TTN: variants seen among roughly 807,000 people sequenced by gnomAD.
TTN encodes the protein connectin.
In TTN, 1,525 loss-of-function variants were observed where a neutral mutation model predicts 3,223.0. The ratio of observed to expected loss-of-function variants is 0.47; its 90% confidence interval spans 0.45 to 0.49. TTN has a LOEUF of 0.49. TTN is among the 20% of genes least tolerant of loss of function. The probability of loss-of-function intolerance (pLI) is 0.00; values close to 1 mark genes in which losing one functional copy is unlikely to be tolerated. For synonymous variants in TTN, 14,094 were observed against 15,161.0 expected (o/e 0.93, Z 5.17); for missense variants, 40,786 against 43,424.0 (o/e 0.94, Z 5.40).
chr2:178,593,545 C>T, intron 298 of TTN, 23 bp downstream of exon 298: 1 of 1,603,540 alleles, frequency 6.2e-7, no homozygotes, highest in Non-Finnish European at 8.5e-7. Context: ...CATTGAATCA[C>T]TAAAAAGAAA....
In TTN at chr2:178,575,746, A is replaced by G. The variant is rs772244888; in HGVS notation, c.70386T>C (p.Asp23462=). The G allele has an allele frequency of 6.2e-7, 1 of 1,613,462 alleles. No homozygotes were observed. The change falls in exon 326 of 363, where the codon GAT becomes GAC. Residue 23462 remains aspartate, a synonymous_variant. Transcript: ENST00000589042. This position sits in a 1 kb window ranked among gnomAD's most constrained non-coding sequence, Gnocchi z 4.0. ...VTLHWDLPLI[D]GGSRITNYIV... ...TGTAGTTTGTTATACGTGAGCCTCCATCTATCAGAGGGAGGTCCCAGTGCA... is the reference window on the plus strand; with the variant it reads ...TGTAGTTTGTTATACGTGAGCCTCCGTCTATCAGAGGGAGGTCCCAGTGCA...
Position 178,598,756 on chromosome 2 carries a change from T to TC in TTN, c.56953dup (p.Asp18985GlyfsTer18). The TC allele has an allele frequency of 6.2e-7, 1 of 1,612,306 alleles. No homozygotes were observed. The highest frequency in any genetic ancestry group is 8.5e-7 in the Non-Finnish European group (1 of 1,179,236). On this transcript the variant is annotated frameshift_variant, in exon 291 of 363. Coordinates refer to ENST00000589042, the MANE Select transcript of TTN (RefSeq NM_001267550.2). LOFTEE classifies it high-confidence loss of function. ...ATGGTTTCCAGGCTTACCAATTGGATCTCTAGCAGTCGCTGGGTCTGATGG... is the reference window on the plus strand; with the variant it reads ...ATGGTTTCCAGGCTTACCAATTGGATCCTCTAGCAGTCGCTGGGTCTGATGG...
chr2:178,527,167 C>G lies in TTN; in HGVS notation c.107821G>C (p.Glu35941Gln), dbSNP rs777087450. Residue 35941 changes from glutamate to glutamine, a missense_variant, in exon 363 of 363, where the codon GAA (glutamate) becomes CAA (glutamine). Physicochemically the swap from Glu to Gln is conservative, Grantham distance 29. Transcript: ENST00000589042. ...SCGGRKIHSQ[E>Q]QGRFHIENTD... ...TTTTCAATGTGGAACCTCCCCTGTT[C>G]TTGACTGTGGATTTTTCTTCCACCA... 4 of 1,613,982 alleles carry G rather than the reference C, an allele frequency of 2.5e-6. No homozygotes were observed. The highest frequency in any genetic ancestry group is 1.7e-5 in the Admixed American group (1 of 60,026).
At chr2:178,678,558 A>G (rs2068621367) in intron 143 of TTN, 61 bp from the exon 144 acceptor site, 2 of 1,358,840 alleles carry the variant, frequency 1.5e-6, no homozygotes, top group East Asian at 2.6e-5. Context: ...TTCCAAGCAT[A>G]GTTTCAAAAG....
Position 178,592,458 on chromosome 2 carries a change from A to C in TTN, c.59547T>G (p.His19849Gln). Reference protein sequence around the residue: ...GSKLEIRNAAHEDGGIYSLTV... With the variant: ...GSKLEIRNAAQEDGGIYSLTV... ...TTAAAGAATAAATTCCACCATCTTC[A>C]TGGGCAGCATTACGAATTTCAAGCT... The change falls in exon 301 of 363, where the codon CAT (histidine) becomes CAG (glutamine). Residue 19849 changes from histidine (H) to glutamine (Q), a missense_variant. Transcript: ENST00000589042. The C allele has an allele frequency of 6.2e-7, 1 of 1,613,500 alleles. No individual in the cohort carries two copies. Among genetic ancestry groups the C allele is most frequent in the East Asian group, 2.2e-5 (1 of 44,798 alleles).
chr2:178,544,396 C>T lies in TTN; in HGVS notation c.95833G>A (p.Val31945Ile). The change falls in exon 345 of 363, where the codon GTT becomes ATT. Residue 31945 changes from valine (V) to isoleucine (I), a missense_variant. Physicochemically the swap from Val to Ile is conservative, Grantham distance 29 (BLOSUM62 3). Coordinates refer to ENST00000589042, the MANE Select transcript of TTN (RefSeq NM_001267550.2). Reference protein sequence around the residue: ...YDGGTDIVGYVLEMQEKDTDQ... With the variant: ...YDGGTDIVGYILEMQEKDTDQ... ...GTGTCCTTCTCTTGCATTTCCAGAA[C>T]ATATCCTACAATGTCAGTACCACCA... 6.2e-7 allele frequency: 1 copy of T among 1,613,764 alleles called. No individual in the cohort carries two copies. The highest frequency in any genetic ancestry group is 1.1e-5 in the South Asian group (1 of 91,084).
Position 178,533,441 on chromosome 2 carries a change from G to T in TTN, c.103174C>A (p.Pro34392Thr). Reference protein sequence around the residue: ...FEIRVSGIPPPTLKWEKDGQP... With the variant: ...FEIRVSGIPPTTLKWEKDGQP... Reference sequence around the variant, plus strand: ...CCATCTTTCTCCCATTTTAATGTTGGTGGGGGGATGCCAGACACTCTGATC... The same window carrying T: ...CCATCTTTCTCCCATTTTAATGTTGTTGGGGGGATGCCAGACACTCTGATC... The change falls in exon 358 of 363, where the codon CCA becomes ACA. Residue 34392 changes from proline to threonine, a missense_variant. Pro to Thr is a conservative substitution (Grantham distance 38). Coordinates refer to ENST00000589042, the MANE Select transcript of TTN (RefSeq NM_001267550.2). 6.2e-7 allele frequency: 1 copy of T among 1,613,862 alleles called. No individual in the cohort carries two copies. The highest frequency in any genetic ancestry group is 8.5e-7 in the Non-Finnish European group (1 of 1,179,830).
chr2:178,618,518 T>C (rs538495046), intron 251 of TTN, 27 bp from the exon 252 acceptor site: 2 of 1,609,586 alleles, frequency 1.2e-6, no homozygotes, highest in African/African-American at 2.7e-5. Context: ...GAGGAATTTT[T>C]TTAGTGTGCT....
chr2:178,724,325 G>A lies in TTN; in HGVS notation c.21050C>T (p.Thr7017Ile), dbSNP rs893338987. 6.8e-6 allele frequency: 11 copies of A among 1,613,470 alleles called. No homozygotes were observed. Among genetic ancestry groups the A allele is most frequent in the South Asian group, 2.2e-5 (2 of 91,074 alleles). The change falls in exon 72 of 363, where the codon ACA becomes ATA. Residue 7017 changes from threonine (T) to isoleucine (I), a missense_variant. Transcript: ENST00000589042. ...ATTATTTTGAACCTGGAAAGTGTAT[G>A]TGCCTGCATCTTGCCTTTCAACTGA... is the stretch of plus-strand genomic sequence containing the variant. ...ILSVERQDAG[T>I]YTFQVQNNVG...
intron 21 of TTN, 63 bp downstream of exon 21, chr2:178,781,058 A>G (rs1055347727): frequency 6.2e-7 from 1 of 1,609,734 alleles, no homozygotes; most frequent in African/African-American, 1.3e-5. Context: ...GCAAACGGAC[A>G]GCACTGCTAT....
chr2:178,733,827 G>T lies in TTN; in HGVS notation c.15562C>A (p.Gln5188Lys), dbSNP rs886038908. ...GGCTCTGACCCTCTCACAGCAGCTT[G>T]CAGGGTAACGGTTTGTCCTCCTAGT... The part of the protein sequence containing the change: ...IALGGQTVTL[Q>K]AAVRGSEPIS... Residue 5188 changes from glutamine (Q) to lysine (K), a missense_variant, in exon 53 of 363, where the codon CAA (glutamine) becomes AAA (lysine). Physicochemically the swap from Gln to Lys is moderately conservative, Grantham distance 53. Coordinates refer to ENST00000589042, the MANE Select transcript of TTN (RefSeq NM_001267550.2). 5.6e-6 allele frequency: 9 copies of T among 1,613,546 alleles called. No individual in the cohort carries two copies. Among genetic ancestry groups the T allele is most frequent in the East Asian group, 2.2e-5 (1 of 44,866 alleles).
In TTN at chr2:178,618,179, A is replaced by C. The variant is rs1060503966; in HGVS notation, c.47269+10T>G. ...TAAAAGCTAACTTGAATTTACTTAA[A>C]ACTTCTTACCATATTTACTCCTTGC... is the stretch of plus-strand genomic sequence containing the variant. On this transcript the variant is annotated intron_variant, in intron 252 of 362. Coordinates refer to ENST00000589042, the MANE Select transcript of TTN (RefSeq NM_001267550.2). 3 of 1,610,918 alleles carry C rather than the reference A, an allele frequency of 1.9e-6. No individual in the cohort carries two copies. The highest frequency in any genetic ancestry group is 2.5e-6 in the Non-Finnish European group (3 of 1,178,750).
rs528957532 is a variant in TTN at position 178,528,726 on chromosome 2, G to A, written c.107025C>T (p.Leu35675=). ...KQASHRDEGI[L]TCISKTKEGI... is the part of the protein sequence containing the mutation. The stretch of plus-strand genomic sequence containing the variant: ...CTTCCTTGGTTTTGCTTATGCAGGT[G>A]AGGATTCCTTCATCTCTGTGACTGG... The change falls in exon 360 of 363, where the codon CTC becomes CTT. Residue 35675 remains leucine, a synonymous_variant. Coordinates refer to ENST00000589042, the MANE Select transcript of TTN (RefSeq NM_001267550.2). 1 of 1,613,626 alleles carries A rather than the reference G, an allele frequency of 6.2e-7. No individual in the cohort carries two copies. The highest frequency in any genetic ancestry group is 1.7e-5 in the Admixed American group (1 of 59,992).
In TTN at chr2:178,647,227, C is replaced by T. The variant is rs1247283203; in HGVS notation, c.40142-83G>A. On this transcript the variant is annotated intron_variant, in intron 214 of 362. Coordinates refer to ENST00000589042, the MANE Select transcript of TTN (RefSeq NM_001267550.2). ...CTATTCTAACATATCAACCTAGTTA[C>T]ATTAAGTAACACTCTATAACAGATT... is the stretch of plus-strand genomic sequence containing the variant. The T allele has an allele frequency of 5.3e-6, 6 of 1,136,086 alleles. No homozygotes were observed. The South Asian group carries it at 9.0e-5, about 17-fold the overall frequency. The allele number at this position is 1,136,086 out of a possible 1,614,324, so 70.4% of individuals were successfully genotyped here.
At position 178,706,438 on chromosome 2, in the gene TTN, T is replaced by C. The variant is rs749533421; in HGVS notation, c.29420+16A>G. The C allele has an allele frequency of 6.3e-7, 1 of 1,596,312 alleles. No individual in the cohort carries two copies. The highest frequency in any genetic ancestry group is 8.5e-7 in the Non-Finnish European group (1 of 1,169,670). On this transcript the variant is annotated intron_variant, in intron 102 of 362. Transcript: ENST00000589042. ...GGAGGGCTGATTGTACGATTTGTGG[T>C]TTTTATTGAACTCACTTTTTCAGCA... is the stretch of plus-strand genomic sequence containing the variant.
At chr2:178,720,885 G>A (rs779290183) in intron 79 of TTN, 36 bp downstream of exon 79, 4 of 1,534,746 alleles carry the variant, frequency 2.6e-6, no homozygotes, top group Non-Finnish European at 3.5e-6. Flanking sequence ...CAAATCAGAG[G>A]AGAATAAAGA....
chr2:178,697,879 A>T (rs963288329), intron 112 of TTN, among the ~76,000 whole-genome samples: 5 of 152,196 alleles, frequency 3.3e-5, no homozygotes, highest in Non-Finnish European at 5.9e-5. Context: ...ACCTCTTAAA[A>T]TTAGCAGCAA....
rs369936167 is a variant in TTN, at chr2:178,664,882, A to C, written c.36088T>G (p.Ser12030Ala). 3.0e-4 allele frequency: 482 copies of C among 1,611,096 alleles called. No individual in the cohort carries two copies. Among genetic ancestry groups the C allele is most frequent in the Non-Finnish European group, 2.6e-4 (307 of 1,179,410 alleles). ...ACTGATGGGGGTTCTCTTTTTTTGG[A>C]AGGAACTGTCTTGGCAGGAATAATT... ...QEIIPAKTVPSKKREPPSVKV... is the reference protein window; with the variant it reads ...QEIIPAKTVPAKKREPPSVKV... Residue 12030 changes from serine (S) to alanine (A), a missense_variant, in exon 166 of 363, where the codon TCC becomes GCC. Transcript: ENST00000589042.
intron 150 of TTN, 111 bp from the exon 151 acceptor site, chr2:178,674,520 C>G (rs2067631405): frequency 1.8e-6 from 1 of 569,072 alleles, no homozygotes; most frequent in African/African-American, 1.9e-5. Flanking sequence ...TGTAAACTCA[C>G]TAGTCCTTAA....
Sources: allele counts gnomAD v4.1 joint callset (sites outside exome capture counted in the v4.1 genomes callset), GRCh38; gene constraint gnomAD v4.1.1; non-coding constraint Gnocchi (gnomAD v3.1); transcripts MANE v1.5; gene names NCBI Gene and HGNC (gene_info 2026-07-23, HGNC 2026-07-21).